Variants in C12orf42 observed in about 807,000 individuals in gnomAD.
C12orf42 encodes the protein chromosome 12 open reading frame 42.
A neutral mutation model predicts 21.6 loss-of-function variants in C12orf42; 25 were observed. The ratio of observed to expected loss-of-function variants is 1.16; its 90% CI spans 0.84 to 1.62. The LOEUF is 1.62. Among genes scored for constraint, C12orf42 ranks in the 40% most tolerant of loss-of-function variants. C12orf42 has a pLI of 0.00. For synonymous variants in C12orf42, 174 were observed against 175.0 expected (o/e 0.99, Z 0.05); for missense variants, 483 against 459.3 (o/e 1.05, Z -0.47).
In C12orf42 at chr12:103,294,461, AG is replaced by A. The variant is rs1400177042; in HGVS notation, n.338-17252del. Reference sequence around the variant, plus strand: ...AAGAAAGAAAGAAAGAAAGAAAGAAAGAAAGAAAGAAATAAGCAAGCAAGCA... The same window carrying A: ...AAGAAAGAAAGAAAGAAAGAAAGAAAAAAGAAAGAAATAAGCAAGCAAGCA... On this transcript the variant is annotated intron_variant and non_coding_transcript_variant, in intron 4 of 6. Transcript: ENST00000546526. Among the ~76,000 whole-genome samples the A allele has an allele frequency of 3.0e-3, 397 of 132,294 alleles. 5 individuals carry two copies. Among genetic ancestry groups the A allele is most frequent in the African/African-American group, 0.01 (311 of 30,444 alleles). The allele number at this position is 132,294 out of a possible 152,430, so 86.8% of individuals were successfully genotyped here. A position where few individuals can be genotyped will look rare whatever the true frequency, so the allele number is the denominator to read the frequency against.
chr12:103,510,428 C>T, the C12orf42 span, among the ~76,000 whole-genome samples: 13 of 151,922 alleles, frequency 8.6e-5, no homozygotes, highest in Non-Finnish European at 1.6e-4. Flanking sequence ...GGGTGATGGG[C>T]ACACCAAAAT....
rs1487408641 is a variant in C12orf42 at position 103,367,139 on chromosome 12, T to A, written c.259+1748A>T. Among the ~76,000 whole-genome samples the A allele has an allele frequency of 2.0e-5, 3 of 152,062 alleles. No individual in the cohort carries two copies. In the East Asian group the frequency reaches 5.8e-4, roughly 29 times the overall value. ...ATAAAAAGGAATGAATTAATAGCAT[T>A]CACAGCAACCTGTATGGGAATGGAG... On this transcript the variant is annotated intron_variant, in intron 4 of 5. Coordinates refer to ENST00000548883, the MANE Select transcript of C12orf42 (RefSeq NM_198521.5).
intron 10 of C12orf42, among the ~76,000 whole-genome samples, chr12:103,256,107 T>C (rs1419579222): frequency 0.019 from 730 of 38,992 alleles, 12 homozygotes; most frequent in African/African-American, 0.061. Context: ...TATATATATA[T>C]ATATACACAC....
chr12:103,437,950 C>T (rs1323403185), intron 2 of C12orf42, among the ~76,000 whole-genome samples: 3 of 148,114 alleles, frequency 2.0e-5, no homozygotes, highest in Non-Finnish European at 4.5e-5. Flanking sequence ...AGAGACACAA[C>T]AAAAAAAGAG....
chr12:103,258,565 G>A (rs116656701), intron 10 of C12orf42, among the ~76,000 whole-genome samples: 3 of 151,324 alleles, frequency 2.0e-5, no homozygotes, highest in African/African-American at 7.3e-5. Flanking sequence ...CAAAAAATAA[G>A]AATAAAATAT....
the C12orf42 span, among the ~76,000 whole-genome samples, chr12:103,100,503 T>G: frequency 6.6e-6 from 1 of 152,224 alleles, no homozygotes; most frequent in Admixed American, 6.5e-5. Context: ...CCTGATGTGT[T>G]TCCTCACTAA....
At chr12:103,383,890 C>T (rs2138267010) in intron 3 of C12orf42, among the ~76,000 whole-genome samples, 1 of 152,326 alleles carries the variant, frequency 6.6e-6, no homozygotes, top group African/African-American at 2.4e-5. Context: ...AATCACCCAT[C>T]CATGTAAATT....
At chr12:103,189,992 C>G in the C12orf42 span, among the ~76,000 whole-genome samples, 18 of 149,724 alleles carry the variant, frequency 1.2e-4, no homozygotes, top group Non-Finnish European at 7.4e-5. Context: ...TATACACACA[C>G]ACACACAGAG....
At chr12:103,188,563 T>A in the C12orf42 span, among the ~76,000 whole-genome samples, 1 of 152,216 alleles carries the variant, frequency 6.6e-6, no homozygotes, top group Non-Finnish European at 1.5e-5. Context: ...GAGAAGGGCC[T>A]AGTGGGAGGT....
the C12orf42 span, among the ~76,000 whole-genome samples, chr12:103,161,140 T>C: frequency 2.6e-4 from 40 of 152,318 alleles, no homozygotes; most frequent in Non-Finnish European, 4.3e-4. Context: ...TTTCCACTCT[T>C]GTGATTGCAT....
intron 4 of C12orf42, among the ~76,000 whole-genome samples, chr12:103,296,477 A>G (rs1400257552): frequency 6.6e-6 from 1 of 152,224 alleles, no homozygotes; most frequent in Non-Finnish European, 1.5e-5. Flanking sequence ...CAGTCCCACC[A>G]ACAGTGTAAA....
intron 2 of C12orf42, among the ~76,000 whole-genome samples, chr12:103,451,776 C>G (rs1951959215): frequency 6.6e-6 from 1 of 151,998 alleles, no homozygotes; most frequent in African/African-American, 2.4e-5. Context: ...GCATATGTGA[C>G]CCTTATCCAG....
the C12orf42 span, among the ~76,000 whole-genome samples, chr12:103,191,952 A>C: frequency 6.6e-6 from 1 of 152,158 alleles, no homozygotes; most frequent in East Asian, 1.9e-4. Flanking sequence ...CTGTTATAGC[A>C]ATAAAAAGTA....
chr12:103,126,224 T>A, the C12orf42 span, among the ~76,000 whole-genome samples: 1 of 152,118 alleles, frequency 6.6e-6, no homozygotes, highest in Non-Finnish European at 1.5e-5. Flanking sequence ...CCAGGTCCCA[T>A]TAGTACTAAC....
rs557964068 is a variant in C12orf42, at chr12:103,399,333, G to C, written c.147+2274C>G. On this transcript the variant is annotated intron_variant, in intron 3 of 5. Transcript: ENST00000548883. ...TATTTTAATGAAAATGATTCTAAAG[G>C]CTCACTATTAAGTCTATTTTTGTTG... 2.6e-5 allele frequency among the ~76,000 whole-genome samples: 4 copies of C among 151,532 alleles called. No homozygotes were observed. The East Asian group carries it at 7.8e-4, about 29-fold the overall frequency.
chr12:103,414,775 C>A (rs544033542), intron 2 of C12orf42, among the ~76,000 whole-genome samples: 2 of 152,262 alleles, frequency 1.3e-5, no homozygotes, highest in African/African-American at 4.8e-5. Flanking sequence ...AGTTGTTTAT[C>A]CAATCCAGGG....
At chr12:103,053,054 G>A in the C12orf42 span, among the ~76,000 whole-genome samples, 3 of 151,852 alleles carry the variant, frequency 2.0e-5, no homozygotes, top group Non-Finnish European at 4.4e-5. Context: ...TTTATAATAT[G>A]TCTGAAATTC....
chr12:103,276,224 G>A (rs2035764475), intron 5 of C12orf42, among the ~76,000 whole-genome samples: 1 of 152,144 alleles, frequency 6.6e-6, no homozygotes, highest in South Asian at 2.1e-4. Flanking sequence ...TAATAGTTCT[G>A]TAACATGTTA....
intron 4 of C12orf42, among the ~76,000 whole-genome samples, chr12:103,321,879 G>T (rs1453314595): frequency 3.9e-5 from 6 of 152,006 alleles, no homozygotes; most frequent in Admixed American, 2.6e-4. Flanking sequence ...GTGGGGGAAG[G>T]GGGGAGGGAT....
Sources: gnomAD v4.1 joint callset for allele counts (sites outside exome capture counted in the v4.1 genomes callset) on GRCh38, gnomAD v4.1.1 for gene constraint, MANE v1.5 for transcripts, NCBI Gene and HGNC (gene_info 2026-07-23, HGNC 2026-07-21) for gene names.